CATSPER2: variants seen among roughly 807,000 people sequenced by gnomAD.
CATSPER2 encodes the protein cation channel sperm associated 2, also known as cation channel sperm-associated protein 2.
CATSPER2 carries 56 observed loss-of-function variants against 68.8 expected under a neutral mutation model. The ratio of observed to expected loss-of-function variants is 0.81; its 90% CI spans 0.66 to 1.02. The LOEUF (loss-of-function observed/expected upper bound fraction) is 1.02. CATSPER2 is among the 50% of genes least tolerant of loss of function. CATSPER2 has a pLI of 0.00. For synonymous variants in CATSPER2, 198 were observed against 229.9 expected (o/e 0.86, Z 1.26); for missense variants, 582 against 642.0 (o/e 0.91, Z 1.01).
chr15:43,633,761 T>C (rs1456742661), intron 10 of CATSPER2: 6 of 151,558 alleles, frequency 4.0e-5, no homozygotes, highest in African/African-American at 1.5e-4. Flanking sequence ...CCGGGCAACA[T>C]GGTGAAACCT....
In CATSPER2 at chr15:43,630,153, G is replaced by C. The variant is rs748776423; in HGVS notation, c.*548C>G. The C allele has an allele frequency of 9.1e-5, 15 of 164,526 alleles. No individual in the cohort carries two copies. The highest frequency in any genetic ancestry group is 3.4e-4 in the Admixed American group (6 of 17,658). The allele number at this position is 164,526 out of a possible 1,614,324, so 10.2% of individuals were successfully genotyped here. A position where few individuals can be genotyped will look rare whatever the true frequency, so the allele number is the denominator to read the frequency against. ...TGTTCTTTTTTAGAGATAGGGTCTC[G>C]CTATGTTGCCCAGGCTGGAATGCAG... On this transcript the variant is annotated 3_prime_UTR_variant, in exon 13 of 13. Coordinates refer to ENST00000396879, the MANE Select transcript of CATSPER2 (RefSeq NM_172095.4).
chr15:43,643,768 T>G lies in CATSPER2; in HGVS notation c.389-3272A>C, dbSNP rs545528657. On this transcript the variant is annotated intron_variant, in intron 4 of 12. Transcript: ENST00000396879. ...ATATAGCACATCAAACCCTCTCTAG[T>G]ACTTTAAAAGTCAATGTAAAAAATT... Among the ~76,000 whole-genome samples, 12 of 152,192 alleles carry G rather than the reference T, an allele frequency of 7.9e-5. 1 individual carries two copies. In the South Asian group the frequency reaches 1.2e-3, roughly 16 times the overall value.
intron 12 of CATSPER2, among the ~76,000 whole-genome samples, chr15:43,631,279 G>T (rs941499921): frequency 2.0e-5 from 3 of 152,014 alleles, no homozygotes; most frequent in African/African-American, 7.3e-5. Flanking sequence ...TTGCCAGGCT[G>T]GAGTTCAGTG....
intron 4 of CATSPER2, among the ~76,000 whole-genome samples, chr15:43,641,767 T>G (rs1043342203): frequency 1.3e-5 from 2 of 152,004 alleles, no homozygotes; most frequent in African/African-American, 2.4e-5. Context: ...GGAGTGCAGT[T>G]GCATAATCAC....
In CATSPER2 at chr15:43,647,396, G is replaced by A. The variant is rs780754672; in HGVS notation, c.217C>T (p.Arg73Cys). The A allele has an allele frequency of 4.3e-6, 7 of 1,613,264 alleles. No individual in the cohort carries two copies. In the Admixed American group the frequency reaches 1.0e-4, roughly 23 times the overall value. Residue 73 changes from arginine (R) to cysteine (C), a missense_variant, in exon 3 of 13, where the codon CGT becomes TGT. Physicochemically the swap from Arg to Cys is radical, Grantham distance 180. Transcript: ENST00000396879. ...QLVRFSIKPQRIEQISHAQRL... is the reference protein window; with the variant it reads ...QLVRFSIKPQCIEQISHAQRL... ...TGGGCATGTGAAATCTGTTCTATAC[G>A]CTGAGGCTTTATAGAGAAACGCACT...
chr15:43,630,965 T>C, intron 12 of CATSPER2, among the ~76,000 whole-genome samples: 1 of 151,972 alleles, frequency 6.6e-6, no homozygotes, highest in African/African-American at 2.4e-5. Flanking sequence ...AGAGAATAAG[T>C]GGGAAGTCAG....
chr15:43,643,593 T>G (rs1241414776), intron 4 of CATSPER2, among the ~76,000 whole-genome samples: 1 of 151,878 alleles, frequency 6.6e-6, no homozygotes, highest in Admixed American at 6.6e-5. Context: ...GGACTAGGCC[T>G]CCCAAATTGC....
Position 43,630,414 on chromosome 15 carries a change from GTGCAATCTTGGCTCAC to G in CATSPER2, c.*271_*286del. ...CTGTTGCCCAGGCTGGAGTGCAGTG[GTGCAATCTTGGCTCAC>G]TGCAACCTCTGACTCCCAGGTTCAA... On this transcript the variant is annotated 3_prime_UTR_variant, in exon 13 of 13. Coordinates refer to ENST00000396879, the MANE Select transcript of CATSPER2 (RefSeq NM_172095.4). 2.1e-6 allele frequency: 1 copy of G among 465,132 alleles called. No individual in the cohort carries two copies. Among genetic ancestry groups the G allele is most frequent in the Non-Finnish European group, 3.9e-6 (1 of 256,160 alleles). 28.8% of individuals were successfully genotyped at this position (465,132 alleles called of 1,614,324 possible).
intron 4 of CATSPER2, among the ~76,000 whole-genome samples, chr15:43,641,896 C>T (rs1029412831): frequency 6.6e-6 from 1 of 151,440 alleles, no homozygotes; most frequent in African/African-American, 2.4e-5. Context: ...TGGGGTCTCC[C>T]TATGCTGCCC....
At chr15:43,645,599 C>A (rs1011111362) in intron 4 of CATSPER2, among the ~76,000 whole-genome samples, 1 of 151,660 alleles carries the variant, frequency 6.6e-6, no homozygotes, top group African/African-American at 2.4e-5. Context: ...CCAGCCTGGG[C>A]AACATAGTGA....
chr15:43,630,843 T>G, intron 12 of CATSPER2, 111 bp from the exon 13 acceptor site: 2 of 1,599,086 alleles, frequency 1.3e-6, no homozygotes, highest in Non-Finnish European at 1.7e-6. Flanking sequence ...AAGTCTTTAC[T>G]AATCTTTAAA....
At position 43,632,207 on chromosome 15, in the gene CATSPER2, T is replaced by A; in HGVS notation, c.1553A>T (p.Glu518Val). ...YNLEERKKLQ[E>V]FAVQALMNLE... is the part of the protein sequence containing the mutation. The stretch of plus-strand genomic sequence containing the variant: ...CTGCCCTAACTCCATACCTGCAAAC[T>A]CTTGTAACTTCTTACGTTCCTCTAG... Residue 518 changes from glutamate to valine, a missense_variant, in exon 12 of 13, where the codon GAG becomes GTG. Glu to Val is a moderately radical substitution (Grantham distance 121). Around this residue, in one of 5 missense-constraint regions of CATSPER2, gnomAD observed 235 missense variants for 264.2 expected, o/e 0.89. Coordinates refer to ENST00000396879, the MANE Select transcript of CATSPER2 (RefSeq NM_172095.4). 17 of 1,613,534 alleles carry A rather than the reference T, an allele frequency of 1.1e-5. No homozygotes were observed. Among genetic ancestry groups the A allele is most frequent in the Non-Finnish European group, 1.4e-5 (17 of 1,179,660 alleles).
chr15:43,639,930 A>C, intron 5 of CATSPER2, 132 bp from the exon 6 acceptor site: 1 of 1,573,204 alleles, frequency 6.4e-7, no homozygotes, highest in Admixed American at 1.8e-5. Context: ...AGAAGTGCTT[A>C]CTATTCAGCC....
At chr15:43,634,594 A>T (rs1167314467) in intron 10 of CATSPER2, 1 of 152,222 alleles carries the variant, frequency 6.6e-6, no homozygotes, top group Non-Finnish European at 1.5e-5. Flanking sequence ...TGCAGTCTTG[A>T]ACTTCTGGCT....
rs1297094532 is a variant in CATSPER2, at chr15:43,647,384, T to G, written c.229A>C (p.Ile77Leu). ...CTCAACAGCCTCTGGGCATGTGAAA[T>G]CTGTTCTATACGCTGAGGCTTTATA... ...FSIKPQRIEQISHAQRLLSRL... is the reference protein window; with the variant it reads ...FSIKPQRIEQLSHAQRLLSRL... The change falls in exon 3 of 13, where the codon ATT (isoleucine) becomes CTT (leucine). Residue 77 changes from isoleucine to leucine, a missense_variant. This residue lies in a region of CATSPER2 where 197 missense variants were observed against 191.0 expected (regional missense o/e 1.03). Coordinates refer to ENST00000396879, the MANE Select transcript of CATSPER2 (RefSeq NM_172095.4). 3 of 1,613,164 alleles carry G rather than the reference T, an allele frequency of 1.9e-6. No homozygotes were observed. The highest frequency in any genetic ancestry group is 2.5e-6 in the Non-Finnish European group (3 of 1,179,444).
rs374608515 is a variant in CATSPER2 at position 43,638,752 on chromosome 15, A to G, written c.842+152T>C. On this transcript the variant is annotated intron_variant, in intron 7 of 12. Transcript: ENST00000396879. ...AAGATCAGAGCTAATACCATTCACT[A>G]TTCTTTTGCTTTCTCTTTCCCTCTC... 334 of 908,406 alleles carry G rather than the reference A, an allele frequency of 3.7e-4. 2 individuals carry two copies. In the East Asian group the frequency reaches 6.5e-3, roughly 18 times the overall value. The allele number at this position is 908,406 out of a possible 1,614,324, so 56.3% of individuals were successfully genotyped here.
chr15:43,635,960 C>T, intron 8 of CATSPER2, 81 bp downstream of exon 8: 1 of 1,205,694 alleles, frequency 8.3e-7, no homozygotes, highest in Non-Finnish European at 1.2e-6. Context: ...TCTTTATACC[C>T]ATAAGCCACC....
In CATSPER2 at chr15:43,638,274, TTTTC is replaced by T. The variant is rs1300623336; in HGVS notation, c.842+626_842+629del. On this transcript the variant is annotated intron_variant, in intron 7 of 12. Coordinates refer to ENST00000396879, the MANE Select transcript of CATSPER2 (RefSeq NM_172095.4). ...CAGCCTATTCCCATTTTTCTTTTCTTTTTCTTTCTTTCTTTTTTTTTTTTTTTTT... is the reference window on the plus strand; with the variant it reads ...CAGCCTATTCCCATTTTTCTTTTCTTTTTCTTTCTTTTTTTTTTTTTTTTT... Among the ~76,000 whole-genome samples, 171 of 126,048 alleles carry T rather than the reference TTTTC, an allele frequency of 1.4e-3. 1 individual carries two copies. The highest frequency in any genetic ancestry group is 3.5e-3 in the Admixed American group (43 of 12,204). The allele number at this position is 126,048 out of a possible 152,430, so 82.7% of individuals were successfully genotyped here.
Position 43,636,515 on chromosome 15 carries a change from C to T in CATSPER2, c.843-296G>A, listed in dbSNP as rs772279096. On this transcript the variant is annotated intron_variant, in intron 7 of 12. Coordinates refer to ENST00000396879, the MANE Select transcript of CATSPER2 (RefSeq NM_172095.4). ...AAGAGATTCTCCTGCCTCAGCCTCC[C>T]GAGTAGCTGGGATTATAGGCATGCA... Among the ~76,000 whole-genome samples the T allele has an allele frequency of 1.8e-4, 28 of 151,668 alleles. 1 individual carries two copies. Among genetic ancestry groups the T allele is most frequent in the South Asian group, 4.2e-4 (2 of 4,796 alleles).
Sources: allele counts gnomAD v4.1 joint callset (sites outside exome capture counted in the v4.1 genomes callset), GRCh38; gene constraint gnomAD v4.1.1; regional missense constraint gnomAD v4.1.1; transcripts MANE v1.5; gene names NCBI Gene and HGNC (gene_info 2026-07-23, HGNC 2026-07-21).